The following POU2AF1 variants were observed in gnomAD, a reference collection of about 807,000 sequenced individuals.
POU2AF1 encodes POU domain class 2-associating factor 1.
POU2AF1 carries 12 observed loss-of-function variants against 26.3 expected under a neutral mutation model. The observed-to-expected ratio is 0.46, with a 90% CI of 0.29 to 0.74. The LOEUF is 0.74. Ranked by LOEUF, POU2AF1 falls within the 30% of genes least tolerant of loss-of-function variation. The probability of loss-of-function intolerance (pLI) is 0.09; values close to 1 mark genes in which losing one functional copy is unlikely to be tolerated. For missense variants in POU2AF1, 297 were observed against 334.5 expected (o/e 0.89, Z 0.87); for synonymous variants, 175 against 148.0 (o/e 1.18, Z -1.32).
chr11:111,356,584 A>C (rs1860850493), intron 4 of POU2AF1, among the ~76,000 whole-genome samples: 1 of 152,252 alleles, frequency 6.6e-6, no homozygotes, highest in South Asian at 2.1e-4. Flanking sequence ...TTGCCCTTGA[A>C]TACTTGCAAA....
At chr11:111,362,803 C>T (rs939740137) in intron 1 of POU2AF1, among the ~76,000 whole-genome samples, 5 of 152,156 alleles carry the variant, frequency 3.3e-5, no homozygotes, top group African/African-American at 9.7e-5. Flanking sequence ...CTTAATTCAG[C>T]TGAGGAACAA....
intron 1 of POU2AF1, among the ~76,000 whole-genome samples, chr11:111,365,203 G>C (rs1445224977): frequency 6.6e-6 from 1 of 152,186 alleles, no homozygotes; most frequent in African/African-American, 2.4e-5. Context: ...GGATTCATGA[G>C]AGACATCACG....
chr11:111,366,219 T>G (rs565004740), intron 1 of POU2AF1, among the ~76,000 whole-genome samples: 1 of 152,352 alleles, frequency 6.6e-6, no homozygotes, highest in East Asian at 1.9e-4. Context: ...CCCATATGCA[T>G]GTAAACGCAG....
At chr11:111,363,461 T>C in intron 1 of POU2AF1, 3 of 1,011,424 alleles carry the variant, frequency 3.0e-6, no homozygotes, top group Non-Finnish European at 3.6e-6. Flanking sequence ...TAAACATTTT[T>C]AATTCCACAG....
At chr11:111,370,963 G>A (rs865792980) in intron 1 of POU2AF1, among the ~76,000 whole-genome samples, 1 of 152,168 alleles carries the variant, frequency 6.6e-6, no homozygotes, top group Non-Finnish European at 1.5e-5. Flanking sequence ...ATACCTGCAT[G>A]GGATGATGAA....
intron 1 of POU2AF1, among the ~76,000 whole-genome samples, chr11:111,373,368 TC>T (rs921871516): frequency 3.5e-4 from 53 of 152,328 alleles, no homozygotes; most frequent in African/African-American, 1.1e-3. Context: ...TTTGCAGCTC[TC>T]CTTCAATGCC....
In POU2AF1 at chr11:111,354,006, G is replaced by A. The variant is rs941702273; in HGVS notation, c.*255C>T. 1.2e-5 allele frequency: 5 copies of A among 413,524 alleles called. No individual in the cohort carries two copies. Among genetic ancestry groups the A allele is most frequent in the African/African-American group, 6.9e-5 (3 of 43,218 alleles). The allele number at this position is 413,524 out of a possible 1,614,324, so 25.6% of individuals were successfully genotyped here. ...AGAAGGGAAGGAGGGAAGGAAGGGAGGGAGGAAAAGGAAGGAAGGGGTTGG... is the reference window on the plus strand; with the variant it reads ...AGAAGGGAAGGAGGGAAGGAAGGGAAGGAGGAAAAGGAAGGAAGGGGTTGG... On this transcript the variant is annotated 3_prime_UTR_variant, in exon 5 of 5. Transcript: ENST00000393067.
Position 111,363,750 on chromosome 11 carries a change from T to C in POU2AF1, c.17-4832A>G, listed in dbSNP as rs1345728934. On this transcript the variant is annotated intron_variant, in intron 1 of 4. Coordinates refer to ENST00000393067, the MANE Select transcript of POU2AF1 (RefSeq NM_006235.3). ...AAGATAGAAGCCCAATTTCCCACAG[T>C]AGAGTTCTCCAGAGATTTTAATAAG... The C allele has an allele frequency of 7.8e-6, 7 of 895,674 alleles. No homozygotes were observed. The Admixed American group carries it at 4.3e-4, about 55-fold the overall frequency. 55.5% of individuals were successfully genotyped at this position (895,674 alleles called of 1,614,324 possible).
chr11:111,378,291 CT>C (rs1415476933), intron 1 of POU2AF1, among the ~76,000 whole-genome samples: 6 of 152,174 alleles, frequency 3.9e-5, no homozygotes, highest in Admixed American at 3.9e-4. Context: ...AACCAAGAAT[CT>C]TTAAGAGAAA....
chr11:111,372,553 T>A (rs374191323), intron 1 of POU2AF1, among the ~76,000 whole-genome samples: 1 of 152,206 alleles, frequency 6.6e-6, no homozygotes, highest in Non-Finnish European at 1.5e-5. Context: ...TCTGTTCACA[T>A]GAATTTTGCT....
At chr11:111,360,348 G>A (rs997336658) in intron 1 of POU2AF1, among the ~76,000 whole-genome samples, 1 of 152,202 alleles carries the variant, frequency 6.6e-6, no homozygotes, top group African/African-American at 2.4e-5. Context: ...GCACTGCCCT[G>A]GTTGAACTTT....
rs576703606 is a variant in POU2AF1 at position 111,372,862 on chromosome 11, G to A, written c.16+6300C>T. ...TGTGTTGGGAGGGAGAAGGGGCAGCGATCAGGAGGCATGATCTTTTGCTAT... is the reference window on the plus strand; with the variant it reads ...TGTGTTGGGAGGGAGAAGGGGCAGCAATCAGGAGGCATGATCTTTTGCTAT... On this transcript the variant is annotated intron_variant, in intron 1 of 4. Coordinates refer to ENST00000393067, the MANE Select transcript of POU2AF1 (RefSeq NM_006235.3). Among the ~76,000 whole-genome samples, 4 of 152,280 alleles carry A rather than the reference G, an allele frequency of 2.6e-5. No homozygotes were observed. The East Asian group carries it at 7.7e-4, about 29-fold the overall frequency.
intron 1 of POU2AF1, 139 bp downstream of exon 1, chr11:111,379,023 T>A: frequency 1.0e-5 from 4 of 385,684 alleles, no homozygotes; most frequent in Non-Finnish European, 1.7e-5. Context: ...CCCTCCCTGC[T>A]CCGGGGCTTG....
chr11:111,358,744 TTTCACACACACACA>T, intron 2 of POU2AF1, 30 bp downstream of exon 2: 1 of 1,489,674 alleles, frequency 6.7e-7, no homozygotes, highest in Non-Finnish European at 9.0e-7. Context: ...ACACATTCTC[TTTCACACACACACA>T]CTCACACTCT....
intron 1 of POU2AF1, among the ~76,000 whole-genome samples, chr11:111,367,803 C>T (rs759364055): frequency 2.6e-5 from 4 of 152,162 alleles, no homozygotes; most frequent in Admixed American, 6.5e-5. Flanking sequence ...TGAGGAGTGA[C>T]GAGAACTGAG....
chr11:111,358,076 GC>G (rs1288114480), intron 2 of POU2AF1, among the ~76,000 whole-genome samples: 1 of 152,038 alleles, frequency 6.6e-6, no homozygotes, highest in Non-Finnish European at 1.5e-5. Flanking sequence ...CTCAGGGGGG[GC>G]CCCCAACTCA....
chr11:111,370,952 C>A (rs894842044), intron 1 of POU2AF1, among the ~76,000 whole-genome samples: 6 of 152,200 alleles, frequency 3.9e-5, no homozygotes, highest in Admixed American at 1.3e-4. Flanking sequence ...TAGAGGGATG[C>A]ATACCTGCAT....
chr11:111,358,370 ACACACT>A (rs760790759), intron 2 of POU2AF1, among the ~76,000 whole-genome samples: 2 of 83,888 alleles, frequency 2.4e-5, no homozygotes, highest in Non-Finnish European at 5.6e-5. Flanking sequence ...TCACACACTC[ACACACT>A]CTCTCACACA....
At chr11:111,375,435 A>C (rs1235976954) in intron 1 of POU2AF1, among the ~76,000 whole-genome samples, 7 of 109,014 alleles carry the variant, frequency 6.4e-5, no homozygotes, top group Admixed American at 1.5e-4. Context: ...CTCGCTCTGT[A>C]CCCCAGGCTG....
Sources: allele counts gnomAD v4.1 joint callset (sites outside exome capture counted in the v4.1 genomes callset), GRCh38; gene constraint gnomAD v4.1.1; transcripts MANE v1.5; gene names NCBI Gene and HGNC (gene_info 2026-07-23, HGNC 2026-07-21).